Variants in CPNE4 observed in about 807,000 individuals in gnomAD.
CPNE4 encodes copine 4, also known as copine-4.
CPNE4 carries 25 observed loss-of-function variants against 67.9 expected under a neutral mutation model. The observed-to-expected ratio is 0.37, with a 90% confidence interval of 0.27 to 0.51. CPNE4 has a LOEUF of 0.51. Among genes scored for constraint, CPNE4 ranks in the 20% least tolerant of loss-of-function variants. The pLI is 0.93. For synonymous variants in CPNE4, 242 were observed against 244.9 expected (o/e 0.99, Z 0.11); for missense variants, 464 against 690.8 (o/e 0.67, Z 3.68).
chr3:131,565,318 G>C (rs1219716368), intron 10 of CPNE4, among the ~76,000 whole-genome samples: 1 of 152,018 alleles, frequency 6.6e-6, no homozygotes, highest in Non-Finnish European at 1.5e-5. Flanking sequence ...TTCTGGGGTA[G>C]AGTAGAATAC....
At chr3:131,653,187 C>T (rs1297150612) in intron 7 of CPNE4, among the ~76,000 whole-genome samples, 1 of 131,052 alleles carries the variant, frequency 7.6e-6, no homozygotes, top group Non-Finnish European at 1.5e-5. Context: ...CTCGCTCTGT[C>T]CAGGCTGGAG....
At chr3:131,987,387 ATT>A (rs552601179) in intron 1 of CPNE4, among the ~76,000 whole-genome samples, 4,176 of 143,582 alleles carry the variant, frequency 0.029, 195 homozygotes, top group African/African-American at 0.1. Context: ...AGTTGTACAG[ATT>A]TTTTTTTTTT....
chr3:131,824,234 T>C (rs1431123319), intron 2 of CPNE4, among the ~76,000 whole-genome samples: 1 of 152,196 alleles, frequency 6.6e-6, no homozygotes, highest in African/African-American at 2.4e-5. Context: ...TTCTATGAAA[T>C]CATAACCCAG....
intron 2 of CPNE4, among the ~76,000 whole-genome samples, chr3:131,848,978 A>T: frequency 6.9e-6 from 1 of 143,922 alleles, no homozygotes; most frequent in Non-Finnish European, 1.5e-5. Context: ...AAAAAAAAAA[A>T]AAAACACAGA....
At chr3:131,824,639 C>A (rs1015619646) in intron 2 of CPNE4, among the ~76,000 whole-genome samples, 5 of 152,132 alleles carry the variant, frequency 3.3e-5, no homozygotes, top group African/African-American at 1.2e-4. Flanking sequence ...AGAGGAAAAT[C>A]AGCAAGTTGT....
intron 1 of CPNE4, among the ~76,000 whole-genome samples, chr3:132,019,946 G>A (rs543111026): frequency 1.1e-3 from 171 of 152,264 alleles, no homozygotes; most frequent in Non-Finnish European, 1.7e-3. Flanking sequence ...TTAAACTTGT[G>A]ACGCTCATTA....
intron 2 of CPNE4, among the ~76,000 whole-genome samples, chr3:131,816,517 G>A (rs1358645670): frequency 4.6e-5 from 7 of 152,112 alleles, no homozygotes; most frequent in Non-Finnish European, 1.0e-4. Context: ...GATGAAAACT[G>A]CAGTTTTCTG....
At chr3:131,543,815 G>T (rs1935659923) in intron 14 of CPNE4, among the ~76,000 whole-genome samples, 1 of 152,206 alleles carries the variant, frequency 6.6e-6, no homozygotes, top group Non-Finnish European at 1.5e-5. Context: ...AAGGCCATGT[G>T]CCACAAAGGT....
intron 7 of CPNE4, among the ~76,000 whole-genome samples, chr3:131,623,236 AG>A (rs59266465): frequency 0.23 from 35,475 of 151,244 alleles, 7,709 homozygotes; most frequent in African/African-American, 0.59. Flanking sequence ...CTGAAAAAAA[AG>A]AAACCCTGAA....
At chr3:131,633,587 A>G (rs935475620) in intron 7 of CPNE4, among the ~76,000 whole-genome samples, 2 of 137,992 alleles carry the variant, frequency 1.4e-5, no homozygotes, top group Non-Finnish European at 3.0e-5. Context: ...GTGAAGACAT[A>G]ATTAATAATA....
chr3:131,932,548 A>C (rs1428402575), intron 1 of CPNE4, among the ~76,000 whole-genome samples: 1 of 152,130 alleles, frequency 6.6e-6, no homozygotes, highest in Non-Finnish European at 1.5e-5. Context: ...CAGCATGATG[A>C]AATATTATAA....
intron 2 of CPNE4, among the ~76,000 whole-genome samples, chr3:131,864,017 G>C (rs2086815242): frequency 6.6e-6 from 1 of 152,034 alleles, no homozygotes; most frequent in South Asian, 2.1e-4. Flanking sequence ...GATAGTTGTA[G>C]ATATGCGGCA....
intron 1 of CPNE4, among the ~76,000 whole-genome samples, chr3:131,911,957 C>T (rs1034821099): frequency 2.0e-5 from 3 of 152,088 alleles, no homozygotes; most frequent in South Asian, 2.1e-4. Flanking sequence ...GCTCTGTCAA[C>T]GAGTGATCAG....
chr3:131,651,745 C>T (rs975291824), intron 7 of CPNE4, among the ~76,000 whole-genome samples: 1 of 152,172 alleles, frequency 6.6e-6, no homozygotes, highest in African/African-American at 2.4e-5. Flanking sequence ...TGGCACAGTT[C>T]CTGGCACACA....
chr3:131,601,216 G>A (rs1939187609), intron 7 of CPNE4, among the ~76,000 whole-genome samples: 1 of 152,016 alleles, frequency 6.6e-6, no homozygotes, highest in South Asian at 2.1e-4. Flanking sequence ...TCTATGGTGG[G>A]AATTACTTTT....
intron 2 of CPNE4, among the ~76,000 whole-genome samples, chr3:131,901,223 A>G (rs2107765585): frequency 6.6e-6 from 1 of 152,260 alleles, no homozygotes; most frequent in Non-Finnish European, 1.5e-5. Flanking sequence ...CCACTTGATT[A>G]TGATGCTTAG....
intron 7 of CPNE4, among the ~76,000 whole-genome samples, chr3:131,665,611 A>C (rs1435472085): frequency 6.6e-6 from 1 of 151,998 alleles, no homozygotes. Context: ...GTGAGCCTAG[A>C]TTGCGCCACT....
intron 2 of CPNE4, among the ~76,000 whole-genome samples, chr3:131,732,134 A>G (rs2082141908): frequency 6.6e-6 from 1 of 152,200 alleles, no homozygotes; most frequent in East Asian, 1.9e-4. Flanking sequence ...ATCTACTCTG[A>G]ATACCACACC....
At chr3:131,953,238 TTA>T (rs1491578558) in intron 1 of CPNE4, among the ~76,000 whole-genome samples, 22 of 75,702 alleles carry the variant, frequency 2.9e-4, no homozygotes, top group African/African-American at 9.4e-4. Flanking sequence ...GAATGATCAA[TTA>T]AAAAAAAAAA....
Sources: gnomAD v4.1 joint callset for allele counts (sites outside exome capture counted in the v4.1 genomes callset) on GRCh38, gnomAD v4.1.1 for gene constraint, MANE v1.5 for transcripts, NCBI Gene and HGNC (gene_info 2026-07-23, HGNC 2026-07-21) for gene names.